The following CDK17 variants were observed in gnomAD, a reference collection of about 807,000 sequenced individuals.
The protein encoded by CDK17 is cyclin dependent kinase 17, also known as cyclin-dependent kinase 17.
Under a neutral mutation model 77.6 loss-of-function variants are expected in CDK17, and 24 were observed. The ratio of observed to expected loss-of-function variants is 0.31; its 90% CI spans 0.22 to 0.44. The LOEUF is 0.44. CDK17 is among the 20% of genes least tolerant of loss of function. The pLI, the probability that CDK17 is intolerant of heterozygous loss-of-function variation, is 1.00. For missense variants in CDK17, 429 were observed against 622.5 expected (o/e 0.69, Z 3.31); for synonymous variants, 203 against 210.4 (o/e 0.96, Z 0.30).
At chr12:96,299,531 C>T (rs1025062501) in intron 6 of CDK17, among the ~76,000 whole-genome samples, 1 of 152,096 alleles carries the variant, frequency 6.6e-6, no homozygotes, top group Non-Finnish European at 1.5e-5. Context: ...GCTGGGATTA[C>T]AGGCGCCCGC....
At chr12:96,290,696 T>C (rs1220486775) in intron 10 of CDK17, among the ~76,000 whole-genome samples, 1 of 152,194 alleles carries the variant, frequency 6.6e-6, no homozygotes, top group African/African-American at 2.4e-5. Flanking sequence ...TTCTTGATAT[T>C]AAAAGTGGGT....
chr12:96,280,686 T>G, intron 16 of CDK17, 122 bp downstream of exon 16: 3 of 1,474,414 alleles, frequency 2.0e-6, no homozygotes, highest in Non-Finnish European at 2.7e-6. Flanking sequence ...CATAAACAGT[T>G]GTGGAATGCA....
At chr12:96,332,642 G>C (rs1407241004) in intron 2 of CDK17, among the ~76,000 whole-genome samples, 1 of 152,184 alleles carries the variant, frequency 6.6e-6, no homozygotes, top group Non-Finnish European at 1.5e-5. Context: ...AATAAGCATA[G>C]TAGATTATGG....
Position 96,358,946 on chromosome 12 carries a change from A to G in CDK17, c.-29-24081T>C, listed in dbSNP as rs1038755616. 5.3e-5 allele frequency among the ~76,000 whole-genome samples: 8 copies of G among 149,592 alleles called. No individual in the cohort carries two copies. In the East Asian group the frequency reaches 1.4e-3, roughly 25 times the overall value. Reference sequence around the variant, plus strand: ...CACTAGGTAACCGTATATTCTCAACAGATGACTTTCCAAAACTGACTGGTC... The same window carrying G: ...CACTAGGTAACCGTATATTCTCAACGGATGACTTTCCAAAACTGACTGGTC... On this transcript the variant is annotated intron_variant, in intron 1 of 16. Transcript: ENST00000261211.
In CDK17 at chr12:96,359,628, T is replaced by C. The variant is rs925363172; in HGVS notation, c.-29-24763A>G. Among the ~76,000 whole-genome samples, 5 of 152,288 alleles carry C rather than the reference T, an allele frequency of 3.3e-5. No individual in the cohort carries two copies. The East Asian group carries it at 5.8e-4, about 18-fold the overall frequency. ...TATCATATTCCCAAGAAAAAGAATA[T>C]AGCTAAACAATTTTCACAATTTCAT... is the stretch of plus-strand genomic sequence containing the variant. On this transcript the variant is annotated intron_variant, in intron 1 of 16. Transcript: ENST00000261211.
intron 1 of CDK17, among the ~76,000 whole-genome samples, chr12:96,369,758 G>A (rs1048865984): frequency 7.9e-5 from 12 of 152,074 alleles, no homozygotes; most frequent in African/African-American, 2.2e-4. Context: ...CAGCCTGGGC[G>A]AGACTCTGTC....
intron 1 of CDK17, among the ~76,000 whole-genome samples, chr12:96,378,740 GACTAA>G (rs1339200546): frequency 6.6e-6 from 1 of 152,168 alleles, no homozygotes; most frequent in African/African-American, 2.4e-5. Context: ...AGGATTGAGT[GACTAA>G]ACTACGGTAC....
chr12:96,337,930 C>G (rs370697597), intron 1 of CDK17, among the ~76,000 whole-genome samples: 96 of 152,288 alleles, frequency 6.3e-4, no homozygotes, highest in African/African-American at 2.3e-3. Flanking sequence ...AACCTCCGAG[C>G]CCTTGGAATA....
intron 1 of CDK17, among the ~76,000 whole-genome samples, chr12:96,367,757 C>T (rs1953611323): frequency 6.6e-6 from 1 of 151,720 alleles, no homozygotes; most frequent in South Asian, 2.1e-4. Context: ...TGGCTCATTC[C>T]TATAATCCCA....
intron 1 of CDK17, among the ~76,000 whole-genome samples, chr12:96,343,363 C>T (rs549948498): frequency 3.3e-5 from 5 of 152,164 alleles, no homozygotes; most frequent in Non-Finnish European, 7.3e-5. Context: ...GAATAGCAGC[C>T]CCCATCTCTG....
chr12:96,328,546 G>T (rs1247016298), intron 2 of CDK17, among the ~76,000 whole-genome samples: 1 of 152,062 alleles, frequency 6.6e-6, no homozygotes, highest in African/African-American at 2.4e-5. Flanking sequence ...TGGGGGTTGG[G>T]GGCAGGGAGG....
intron 16 of CDK17, 132 bp from the exon 17 acceptor site, chr12:96,280,411 T>C (rs1952160187): frequency 6.9e-7 from 1 of 1,456,852 alleles, no homozygotes; most frequent in African/African-American, 1.4e-5. Flanking sequence ...ATCAGCACTG[T>C]CTTAAATGAC....
At chr12:96,280,678 T>TA in intron 16 of CDK17, 130 bp downstream of exon 16, 1 of 1,458,712 alleles carries the variant, frequency 6.9e-7, no homozygotes, top group East Asian at 2.5e-5. Context: ...ATGCTAAACA[T>TA]AAACAGTTGT....
intron 1 of CDK17, among the ~76,000 whole-genome samples, chr12:96,347,926 T>G (rs1436002671): frequency 6.6e-6 from 1 of 152,048 alleles, no homozygotes; most frequent in Non-Finnish European, 1.5e-5. Context: ...ATGTGGAAAT[T>G]AAGCAACATA....
At chr12:96,285,244 T>C (rs550024772) in intron 13 of CDK17, among the ~76,000 whole-genome samples, 1 of 152,330 alleles carries the variant, frequency 6.6e-6, no homozygotes, top group South Asian at 2.1e-4. Context: ...ATGGTATTAG[T>C]TGCTATAGTA....
chr12:96,345,840 A>C (rs1953201205), intron 1 of CDK17, among the ~76,000 whole-genome samples: 1 of 152,206 alleles, frequency 6.6e-6, no homozygotes, highest in African/African-American at 2.4e-5. Context: ...AAAAATTAGC[A>C]AAGTGCAATA....
chr12:96,381,495 G>A (rs1276438970), intron 1 of CDK17, among the ~76,000 whole-genome samples: 1 of 151,852 alleles, frequency 6.6e-6, no homozygotes, highest in East Asian at 1.9e-4. Flanking sequence ...TTATAGCAGG[G>A]AGACCAGTTT....
chr12:96,306,429 T>C (rs1367591925), intron 5 of CDK17, among the ~76,000 whole-genome samples: 1 of 150,836 alleles, frequency 6.6e-6, no homozygotes, highest in Non-Finnish European at 1.5e-5. Context: ...AAAAAAAAAT[T>C]ATATATATAT....
intron 5 of CDK17, among the ~76,000 whole-genome samples, chr12:96,310,661 T>C (rs1031752375): frequency 6.6e-6 from 1 of 151,696 alleles, no homozygotes; most frequent in Non-Finnish European, 1.5e-5. Context: ...TACACAGGTA[T>C]ATTAACATTT....
Sources: gnomAD v4.1 joint callset for allele counts (sites outside exome capture counted in the v4.1 genomes callset) on GRCh38, gnomAD v4.1.1 for gene constraint, MANE v1.5 for transcripts, NCBI Gene and HGNC (gene_info 2026-07-23, HGNC 2026-07-21) for gene names.